The following ETFA variants were observed in gnomAD, a reference collection of about 807,000 sequenced individuals.
ETFA encodes the protein electron transfer flavoprotein subunit alpha, mitochondrial.
In ETFA, 22 loss-of-function variants were observed where a neutral mutation model predicts 46.2. The observed-to-expected ratio is 0.48, with a 90% CI of 0.34 to 0.68. The LOEUF is 0.68. Among genes scored for constraint, ETFA ranks in the 30% least tolerant of loss-of-function variants. ETFA has a pLI of 0.01. For missense variants in ETFA, 345 were observed against 401.1 expected (o/e 0.86, Z 1.19); for synonymous variants, 131 against 139.9 (o/e 0.94, Z 0.45).
chr15:76,282,195 C>T (rs960870987), intron 8 of ETFA, among the ~76,000 whole-genome samples: 12 of 152,136 alleles, frequency 7.9e-5, no homozygotes, highest in African/African-American at 2.2e-4. Flanking sequence ...TGAGCCACCA[C>T]GCCTGCCATG....
chr15:76,301,907 AAAG>A (rs1234990701), intron 1 of ETFA, among the ~76,000 whole-genome samples: 3 of 152,242 alleles, frequency 2.0e-5, no homozygotes, highest in Admixed American at 2.0e-4. Context: ...GTACCTCACC[AAAG>A]AAGATGGCCA....
chr15:76,281,022 C>T (rs1298518479), intron 8 of ETFA, among the ~76,000 whole-genome samples: 1 of 150,444 alleles, frequency 6.6e-6, no homozygotes, highest in African/African-American at 2.5e-5. Context: ...TCAAGTGATC[C>T]TGCCGCCTCA....
At chr15:76,232,749 A>C (rs1409949312) in intron 9 of ETFA, among the ~76,000 whole-genome samples, 3 of 152,176 alleles carry the variant, frequency 2.0e-5, no homozygotes, top group African/African-American at 7.2e-5. Context: ...CACTTTTTCC[A>C]ATTGTAAACA....
chr15:76,241,982 G>A (rs1488410080), intron 9 of ETFA, among the ~76,000 whole-genome samples: 1 of 151,444 alleles, frequency 6.6e-6, no homozygotes, highest in African/African-American at 2.4e-5. Flanking sequence ...GACTACAGGT[G>A]TGCGCCACCA....
In ETFA at chr15:76,311,413, G is replaced by A. The variant is rs374761612; in HGVS notation, c.-25C>T. 1.9e-6 allele frequency: 3 copies of A among 1,553,438 alleles called. No individual in the cohort carries two copies. The highest frequency in any genetic ancestry group is 1.4e-5 in the African/African-American group (1 of 73,462). On this transcript the variant is annotated 5_prime_UTR_variant, in exon 1 of 12. Transcript: ENST00000557943. The stretch of plus-strand genomic sequence containing the variant: ...TGGTCTCCGCTTCCGCCGCAACCTC[G>A]GCCTTACAGCAGCCCCGTGCCCGGC...
chr15:76,258,846 G>C, intron 9 of ETFA: 1 of 643,714 alleles, frequency 1.6e-6, no homozygotes, highest in Non-Finnish European at 2.7e-6. Flanking sequence ...GGTCAGTCCA[G>C]GCTTCCCAGC....
chr15:76,310,369 GAAAA>G (rs34111559), intron 1 of ETFA, among the ~76,000 whole-genome samples: 66 of 104,444 alleles, frequency 6.3e-4, no homozygotes, highest in African/African-American at 1.8e-3. Flanking sequence ...TCCATGCCCA[GAAAA>G]AAAAAAAAAA....
In ETFA at chr15:76,225,375, G is replaced by A. The variant is rs570763292; in HGVS notation, c.963+474C>T. On this transcript the variant is annotated intron_variant, in intron 11 of 11. Coordinates refer to ENST00000557943, the MANE Select transcript of ETFA (RefSeq NM_000126.4). ...ACGATCTCTGCTCACTGCAAGCTCC[G>A]CCTCCTGGGTTCACACTATTCTCCT... is the stretch of plus-strand genomic sequence containing the variant. 1.8e-4 allele frequency among the ~76,000 whole-genome samples: 28 copies of A among 152,116 alleles called. No homozygotes were observed. In the East Asian group the frequency reaches 4.6e-3, roughly 25 times the overall value.
chr15:76,293,286 C>A, intron 2 of ETFA, among the ~76,000 whole-genome samples: 1 of 152,276 alleles, frequency 6.6e-6, no homozygotes, highest in African/African-American at 2.4e-5. Context: ...TGCTAATTGA[C>A]AAACCAAAAT....
chr15:76,222,669 A>C (rs1331502512), intron 11 of ETFA, among the ~76,000 whole-genome samples: 2 of 151,900 alleles, frequency 1.3e-5, no homozygotes, highest in Non-Finnish European at 2.9e-5. Flanking sequence ...CAGAAGCAGG[A>C]CCCTGGCTTA....
intron 8 of ETFA, among the ~76,000 whole-genome samples, chr15:76,282,958 A>C (rs754711537): frequency 8.6e-5 from 13 of 151,922 alleles, no homozygotes; most frequent in Non-Finnish European, 1.6e-4. Context: ...GCCTGGCTTA[A>C]ATTTTTTTGG....
At chr15:76,220,406 C>A (rs1255559662) in intron 11 of ETFA, among the ~76,000 whole-genome samples, 1 of 152,068 alleles carries the variant, frequency 6.6e-6, no homozygotes, top group Non-Finnish European at 1.5e-5. Context: ...GCATAAGCAA[C>A]AAAGAAAAAA....
At chr15:76,287,269 C>A (rs1482724274) in intron 5 of ETFA, among the ~76,000 whole-genome samples, 2 of 152,146 alleles carry the variant, frequency 1.3e-5, no homozygotes, top group African/African-American at 4.8e-5. Flanking sequence ...CTCAAGCAAT[C>A]CTCCCACCTC....
intron 8 of ETFA, among the ~76,000 whole-genome samples, chr15:76,279,823 G>C (rs1431481167): frequency 6.6e-6 from 1 of 151,456 alleles, no homozygotes; most frequent in Admixed American, 6.6e-5. Context: ...ACTCCTTTTT[G>C]GTCTTCTTTC....
chr15:76,250,846 T>C (rs924059978), intron 9 of ETFA, among the ~76,000 whole-genome samples: 3 of 151,902 alleles, frequency 2.0e-5, no homozygotes, highest in African/African-American at 7.3e-5. Context: ...CAGCCAGTAA[T>C]GGTTACTTTT....
chr15:76,292,577 C>A lies in ETFA; in HGVS notation c.268+42G>T, dbSNP rs529953777. On this transcript the variant is annotated intron_variant, in intron 3 of 11. Coordinates refer to ENST00000557943, the MANE Select transcript of ETFA (RefSeq NM_000126.4). ...ATACTTTCATATTCATATATTCAAG[C>A]GTAATTTAGACACTACATTTTTTTC... is the stretch of plus-strand genomic sequence containing the variant. 1.7e-4 allele frequency: 269 copies of A among 1,581,942 alleles called. 1 individual carries two copies. In the South Asian group the frequency reaches 2.8e-3, roughly 17 times the overall value.
chr15:76,310,420 G>C (rs1196574857), intron 1 of ETFA, among the ~76,000 whole-genome samples: 2 of 140,270 alleles, frequency 1.4e-5, no homozygotes, highest in Non-Finnish European at 3.0e-5. Flanking sequence ...CATCAGGTAA[G>C]TTTCTGACCC....
chr15:76,263,645 C>T (rs2456075), intron 9 of ETFA, among the ~76,000 whole-genome samples: 31,451 of 151,856 alleles, frequency 0.21, 3,595 homozygotes, highest in African/African-American at 0.3. Context: ...TGGGAGACAA[C>T]GGGAAGAGAT....
At chr15:76,270,080 T>C (rs1190014446) in intron 9 of ETFA, among the ~76,000 whole-genome samples, 1 of 152,090 alleles carries the variant, frequency 6.6e-6, no homozygotes, top group Non-Finnish European at 1.5e-5. Flanking sequence ...AAACACCAAA[T>C]GGTGAAAATG....
Sources: allele counts gnomAD v4.1 joint callset (sites outside exome capture counted in the v4.1 genomes callset), GRCh38; gene constraint gnomAD v4.1.1; transcripts MANE v1.5; gene names NCBI Gene and HGNC (gene_info 2026-07-23, HGNC 2026-07-21).